Variants in RNF150 observed in about 807,000 individuals in gnomAD.
RNF150 encodes the protein ring finger protein 150.
Under a neutral mutation model 39.3 loss-of-function variants are expected in RNF150, and 24 were observed. The ratio of observed to expected loss-of-function variants is 0.61; its 90% CI spans 0.44 to 0.86. The LOEUF (loss-of-function observed/expected upper bound fraction) is 0.86. Among genes scored for constraint, RNF150 ranks in the 40% least tolerant of loss-of-function variants. The pLI is 0.00. For synonymous variants in RNF150, 255 were observed against 227.3 expected (o/e 1.12, Z -1.10); for missense variants, 502 against 587.8 (o/e 0.85, Z 1.51).
chr4:141,209,930 C>T (rs551837045), intron 1 of RNF150, among the ~76,000 whole-genome samples: 2 of 152,198 alleles, frequency 1.3e-5, no homozygotes, highest in African/African-American at 2.4e-5. Context: ...AACAAGGATG[C>T]TCTGTGTCAT....
chr4:140,910,452 T>G (rs1730549045), intron 6 of RNF150, among the ~76,000 whole-genome samples: 1 of 152,158 alleles, frequency 6.6e-6, no homozygotes, highest in Admixed American at 6.5e-5. Flanking sequence ...CTAATACACA[T>G]AATTTAATAT....
At position 141,073,700 on chromosome 4, in the gene RNF150, T is replaced by C. The variant is rs112700608; in HGVS notation, c.484+58625A>G. On this transcript the variant is annotated intron_variant, in intron 1 of 6. Transcript: ENST00000515673. ...TCTAGGGAAAAATGGCAGGCAAGTA[T>C]AATTTTAAAATTTAAATTCAATGTA... Among the ~76,000 whole-genome samples, 342 of 152,120 alleles carry C rather than the reference T, an allele frequency of 2.2e-3. 3 individuals carry two copies. Among genetic ancestry groups the C allele is most frequent in the African/African-American group, 8.0e-3 (331 of 41,484 alleles).
chr4:141,089,408 A>G (rs1738491648), intron 1 of RNF150, among the ~76,000 whole-genome samples: 1 of 152,162 alleles, frequency 6.6e-6, no homozygotes, highest in South Asian at 2.1e-4. Context: ...TTCCCAGCCA[A>G]CTGGGGGGAG....
chr4:141,129,266 ATAT>A (rs1726833526), intron 1 of RNF150, among the ~76,000 whole-genome samples: 1 of 152,244 alleles, frequency 6.6e-6, no homozygotes. Flanking sequence ...ATACAACGAA[ATAT>A]TATTTGGCAA....
intron 1 of RNF150, among the ~76,000 whole-genome samples, chr4:141,110,453 T>C (rs1039814940): frequency 6.6e-6 from 1 of 151,996 alleles, no homozygotes; most frequent in Non-Finnish European, 1.5e-5. Context: ...TTAGGTAGGG[T>C]CTCACTGTGT....
chr4:141,177,858 T>C (rs907425323), intron 1 of RNF150, among the ~76,000 whole-genome samples: 7 of 152,226 alleles, frequency 4.6e-5, no homozygotes, highest in African/African-American at 1.7e-4. Context: ...TTTTGTTTAC[T>C]TTTATGTTCA....
chr4:141,084,055 T>C (rs1445388494), intron 1 of RNF150, among the ~76,000 whole-genome samples: 1 of 152,228 alleles, frequency 6.6e-6, no homozygotes, highest in Non-Finnish European at 1.5e-5. Flanking sequence ...TAAATTTAAG[T>C]AGAATGCATA....
intron 1 of RNF150, among the ~76,000 whole-genome samples, chr4:141,181,559 C>T (rs748326878): frequency 5.3e-5 from 8 of 152,242 alleles, no homozygotes; most frequent in East Asian, 1.9e-4. Flanking sequence ...TGATTGGGCA[C>T]GAGAAATCAC....
intron 1 of RNF150, among the ~76,000 whole-genome samples, chr4:141,196,846 C>A (rs965557723): frequency 6.6e-6 from 1 of 152,154 alleles, no homozygotes; most frequent in Admixed American, 6.5e-5. Flanking sequence ...CCTTTAATTT[C>A]CCATCTCCCA....
At chr4:141,145,518 G>A (rs1004625633) in intron 1 of RNF150, among the ~76,000 whole-genome samples, 2 of 152,160 alleles carry the variant, frequency 1.3e-5, no homozygotes, top group Non-Finnish European at 2.9e-5. Context: ...TGTAGGTGTA[G>A]GGACTTGTAT....
chr4:141,104,607 T>C lies in RNF150; in HGVS notation c.484+27718A>G, dbSNP rs536556693. Among the ~76,000 whole-genome samples the C allele has an allele frequency of 1.4e-4, 22 of 152,324 alleles. 1 individual carries two copies. The highest frequency in any genetic ancestry group is 3.4e-3 in the Middle Eastern group (1 of 294). ...CATCTCTGAAGCCGACAACAAATGA[T>C]ACACTGAATAACAACAGCAATTGAT... is the stretch of plus-strand genomic sequence containing the variant. On this transcript the variant is annotated intron_variant, in intron 1 of 6. Transcript: ENST00000515673.
chr4:141,148,761 C>A (rs1727245103), intron 1 of RNF150, among the ~76,000 whole-genome samples: 1 of 152,150 alleles, frequency 6.6e-6, no homozygotes, highest in Admixed American at 6.5e-5. Flanking sequence ...TTAAATGGTA[C>A]CACGTCCCTG....
chr4:141,049,310 T>TA lies in RNF150; in HGVS notation c.485-81438dup, dbSNP rs1430754552. Among the ~76,000 whole-genome samples, 210 of 143,080 alleles carry TA rather than the reference T, an allele frequency of 1.5e-3. 1 individual carries two copies. Among genetic ancestry groups the TA allele is most frequent in the African/African-American group, 5.0e-3 (197 of 39,062 alleles). 93.9% of individuals were successfully genotyped at this position (143,080 alleles called of 152,430 possible). On this transcript the variant is annotated intron_variant, in intron 1 of 6. Transcript: ENST00000515673. ...AAACTTAAGTTGTAGAATCCAGAGA[T>TA]AAAAAAAAGGAGGTGACATACTCAA...
At chr4:140,893,686 G>C (rs1729840165) in intron 6 of RNF150, among the ~76,000 whole-genome samples, 1 of 152,220 alleles carries the variant, frequency 6.6e-6, no homozygotes, top group African/African-American at 2.4e-5. Context: ...GCTGGCAGTG[G>C]TGGGGGTGTG....
chr4:141,059,039 G>C (rs1416346960), intron 1 of RNF150, among the ~76,000 whole-genome samples: 4 of 152,150 alleles, frequency 2.6e-5, no homozygotes, highest in African/African-American at 9.7e-5. Flanking sequence ...TGTCAGCTTA[G>C]GTTTCTTCAC....
chr4:140,987,208 T>C (rs1337428143), intron 1 of RNF150, among the ~76,000 whole-genome samples: 4 of 152,060 alleles, frequency 2.6e-5, no homozygotes, highest in Non-Finnish European at 5.9e-5. Context: ...AACCTACAGA[T>C]TCAATACTAT....
chr4:141,007,501 C>CAGTT (rs1483722059), intron 1 of RNF150, among the ~76,000 whole-genome samples: 8 of 152,142 alleles, frequency 5.3e-5, no homozygotes, highest in Admixed American at 5.2e-4. Context: ...TTTTATGTTT[C>CAGTT]AGTTGATTTT....
chr4:141,049,974 T>A (rs1356914008), intron 1 of RNF150, among the ~76,000 whole-genome samples: 1 of 152,092 alleles, frequency 6.6e-6, no homozygotes, highest in Admixed American at 6.6e-5. Flanking sequence ...TATGTGTGTA[T>A]ATGCAATAGC....
rs188451864 is a variant in RNF150 at position 141,012,521 on chromosome 4, G to A, written c.485-44648C>T. On this transcript the variant is annotated intron_variant, in intron 1 of 6. Coordinates refer to ENST00000515673, the MANE Select transcript of RNF150 (RefSeq NM_020724.2). ...ATATATTAAATATCATTATAGACCG[G>A]ACGTGTTGGCTCATGCCTGTAATCC... Among the ~76,000 whole-genome samples the A allele has an allele frequency of 3.3e-5, 5 of 152,144 alleles. No individual in the cohort carries two copies. The East Asian group carries it at 9.7e-4, about 29-fold the overall frequency.
Sources: gnomAD v4.1 joint callset for allele counts (sites outside exome capture counted in the v4.1 genomes callset) on GRCh38, gnomAD v4.1.1 for gene constraint, MANE v1.5 for transcripts, NCBI Gene and HGNC (gene_info 2026-07-23, HGNC 2026-07-21) for gene names.